Variants in RNASEH2B observed in about 807,000 individuals in gnomAD.
RNASEH2B encodes Aicardi-Goutieres syndrome 2 protein.
A neutral mutation model predicts 45.0 loss-of-function variants in RNASEH2B; 36 were observed. That is an observed-to-expected ratio of 0.80 (90% CI 0.61 to 1.06). The LOEUF (loss-of-function observed/expected upper bound fraction) is 1.06, where lower values mean the gene tolerates loss of function less well. RNASEH2B is among the 50% of genes least tolerant of loss of function. RNASEH2B has a pLI of 0.00. For missense variants in RNASEH2B, 361 were observed against 360.3 expected (o/e 1.00, Z -0.02); for synonymous variants, 119 against 125.7 (o/e 0.95, Z 0.35).
intron 5 of RNASEH2B, chr13:50,937,162 G>A (rs1029066745): frequency 3.9e-5 from 6 of 152,168 alleles, no homozygotes; most frequent in Middle Eastern, 3.4e-3. Flanking sequence ...GCTGCAGCCT[G>A]TGAATCTCAA....
chr13:50,921,485 G>GT (rs1951524260), intron 1 of RNASEH2B, among the ~76,000 whole-genome samples: 1 of 152,164 alleles, frequency 6.6e-6, no homozygotes, highest in African/African-American at 2.4e-5. Flanking sequence ...TAGAAAAAGG[G>GT]TGGAGCCTCC....
chr13:50,951,230 T>G (rs965982348), intron 9 of RNASEH2B: 2 of 152,198 alleles, frequency 1.3e-5, no homozygotes, highest in Non-Finnish European at 2.9e-5. Context: ...CATGACAAAC[T>G]ATACTAGACG....
chr13:50,910,105 G>T lies in RNASEH2B; in HGVS notation c.29G>T (p.Gly10Val). The stretch of plus-strand genomic sequence containing the variant: ...GCCGCTGGCGTGGACTGCGGGGACG[G>T]GGTTGGCGCCCGGCAGCACGTGTTC... MAAGVDCGD[G>V]VGARQHVFLV... The change falls in exon 1 of 11, where the codon GGG (glycine) becomes GTG (valine). Residue 10 changes from glycine to valine, a missense_variant. Coordinates refer to ENST00000336617, the MANE Select transcript of RNASEH2B (RefSeq NM_024570.4). 1 of 1,462,214 alleles carries T rather than the reference G, an allele frequency of 6.8e-7. No individual in the cohort carries two copies. 90.6% of individuals were successfully genotyped at this position (1,462,214 alleles called of 1,614,324 possible). A position where few individuals can be genotyped will look rare whatever the true frequency, so the allele number is the denominator to read the frequency against.
At chr13:50,910,292 T>G in intron 1 of RNASEH2B, 152 bp downstream of exon 1, 3 of 492,960 alleles carry the variant, frequency 6.1e-6, no homozygotes, top group Non-Finnish European at 1.0e-5. Flanking sequence ...CGCATTTTGG[T>G]CACACGTCAT....
chr13:50,913,218 A>T (rs191472746), intron 1 of RNASEH2B: 1 of 152,240 alleles, frequency 6.6e-6, no homozygotes, highest in Admixed American at 6.5e-5. Flanking sequence ...TTTAATTTCT[A>T]TAAGAGGCCA....
At chr13:50,960,817 T>G (rs1434510541), downstream of RNASEH2B, among the ~76,000 whole-genome samples, 2 of 152,210 alleles carry the variant, frequency 1.3e-5, no homozygotes, top group Non-Finnish European at 2.9e-5. Flanking sequence ...TTTCCAATGT[T>G]CTGGAAGGAT....
chr13:50,914,413 T>A (rs1196232176), intron 1 of RNASEH2B, among the ~76,000 whole-genome samples: 1 of 152,262 alleles, frequency 6.6e-6, no homozygotes, highest in Non-Finnish European at 1.5e-5. Context: ...GTGCTGATTT[T>A]AGACAACCTC....
chr13:50,911,676 A>C (rs984652907), intron 1 of RNASEH2B: 1 of 152,250 alleles, frequency 6.6e-6, no homozygotes, highest in Admixed American at 6.5e-5. Context: ...AAAACAGCTA[A>C]TGCAAAATTC....
chr13:50,927,321 G>A, intron 1 of RNASEH2B, 86 bp from the exon 2 acceptor site: 1 of 820,818 alleles, frequency 1.2e-6, no homozygotes, highest in Non-Finnish European at 2.1e-6. Context: ...AGTCATATAA[G>A]TAGAAGAAAG....
At chr13:50,915,493 GACCACCTAC>G in intron 1 of RNASEH2B, 1 of 398,488 alleles carries the variant, frequency 2.5e-6, no homozygotes, top group Non-Finnish European at 4.4e-6. Flanking sequence ...GTACCTCTTT[GACCACCTAC>G]ACATTTCATC....
At chr13:50,960,871 AT>A (rs1290246624), downstream of RNASEH2B, among the ~76,000 whole-genome samples, 1 of 152,150 alleles carries the variant, frequency 6.6e-6, no homozygotes, top group East Asian at 1.9e-4. Context: ...ATGTTTAAGA[AT>A]CTTAGAGGTA....
At chr13:50,939,144 G>C (rs1030079804) in intron 5 of RNASEH2B, 4 of 152,322 alleles carry the variant, frequency 2.6e-5, no homozygotes, top group African/African-American at 9.7e-5. Context: ...CATGACGTCA[G>C]GAGATCGAAA....
rs529317356 is a variant in RNASEH2B, at chr13:50,910,001, C to G, written c.-76C>G. 1 of 1,312,960 alleles carries G rather than the reference C, an allele frequency of 7.6e-7. No individual in the cohort carries two copies. Among genetic ancestry groups the G allele is most frequent in the Non-Finnish European group, 1.0e-6 (1 of 976,690 alleles). 81.3% of individuals were successfully genotyped at this position (1,312,960 alleles called of 1,614,324 possible). On this transcript the variant is annotated 5_prime_UTR_variant, in exon 1 of 11. Transcript: ENST00000336617. ...CGCGCCACCCGGAACAGACCCTTCT[C>G]CCGCCATTTTCGGCGGGGCTGGGAG... is the stretch of plus-strand genomic sequence containing the variant.
At chr13:50,938,412 T>A (rs561712066) in intron 5 of RNASEH2B, 1 of 152,296 alleles carries the variant, frequency 6.6e-6, no homozygotes, top group Admixed American at 6.5e-5. Flanking sequence ...CAGCTCCATT[T>A]TTTTTTCTTT....
intron 1 of RNASEH2B, among the ~76,000 whole-genome samples, chr13:50,925,609 G>T (rs1951584627): frequency 6.6e-6 from 1 of 152,158 alleles, no homozygotes; most frequent in Admixed American, 6.5e-5. Context: ...TATGCCTAAA[G>T]CTCCATGAAT....
At chr13:50,948,158 C>T in intron 8 of RNASEH2B, 90 bp downstream of exon 8, 2 of 1,563,958 alleles carry the variant, frequency 1.3e-6, no homozygotes, top group East Asian at 4.5e-5. Flanking sequence ...TATCATATCA[C>T]TGTTTATGAT....
chr13:50,915,466 T>C, intron 1 of RNASEH2B: 2 of 398,694 alleles, frequency 5.0e-6, no homozygotes, highest in East Asian at 7.1e-5. Flanking sequence ...CTCCTCTTGT[T>C]ACTGCCCAGG....
intron 9 of RNASEH2B, among the ~76,000 whole-genome samples, chr13:50,965,562 T>C (rs61962202): frequency 0.029 from 4,487 of 152,300 alleles, 79 homozygotes; most frequent in South Asian, 0.045. Context: ...TGTTCAGCAA[T>C]ACAGTGTTGG....
intron 2 of RNASEH2B, 76 bp from the exon 3 acceptor site, chr13:50,929,399 A>G (rs1951646698): frequency 1.1e-6 from 1 of 873,342 alleles, no homozygotes; most frequent in Non-Finnish European, 1.9e-6. Flanking sequence ...GAGATACTGG[A>G]TAGTCTTTTG....
Sources: allele counts gnomAD v4.1 joint callset (sites outside exome capture counted in the v4.1 genomes callset), GRCh38; gene constraint gnomAD v4.1.1; transcripts MANE v1.5; gene names NCBI Gene and HGNC (gene_info 2026-07-23, HGNC 2026-07-21).